Variants in CSMD1 observed in about 807,000 individuals in gnomAD.
The protein encoded by CSMD1 is CUB and Sushi multiple domains 1.
CSMD1 carries 213 observed loss-of-function variants against 417.5 expected under a neutral mutation model. The ratio of observed to expected loss-of-function variants is 0.51; its 90% CI spans 0.46 to 0.57. The LOEUF is 0.57. Among genes scored for constraint, CSMD1 ranks in the 20% least tolerant of loss-of-function variants. The pLI is 0.00. For synonymous variants in CSMD1, 2,862 were observed against 1,736.8 expected (o/e 1.65, Z -16.11); for missense variants, 6,923 against 4,529.7 (o/e 1.53, Z -15.17).
intron 51 of CSMD1, among the ~76,000 whole-genome samples, chr8:3,027,404 G>T (rs1472214538): frequency 1.3e-5 from 2 of 152,136 alleles, no homozygotes; most frequent in Non-Finnish European, 2.9e-5. Context: ...AGAAAACAAG[G>T]ACCATTTCAG....
chr8:2,958,909 G>C (rs1460679207), intron 62 of CSMD1, among the ~76,000 whole-genome samples: 1 of 152,158 alleles, frequency 6.6e-6, no homozygotes, highest in Non-Finnish European at 1.5e-5. Flanking sequence ...AAAATGCAAG[G>C]AAATAGTTGG....
At chr8:4,541,230 C>G (rs958756816) in intron 2 of CSMD1, among the ~76,000 whole-genome samples, 1 of 152,168 alleles carries the variant, frequency 6.6e-6, no homozygotes, top group Non-Finnish European at 1.5e-5. Flanking sequence ...TTGCCAGTAA[C>G]TACTGTGTGA....
chr8:3,617,592 T>C (rs372595790), intron 7 of CSMD1, among the ~76,000 whole-genome samples: 15 of 152,330 alleles, frequency 9.8e-5, no homozygotes, highest in South Asian at 6.2e-4. Context: ...ATAAAGTGCA[T>C]ATCTATTTTA....
At chr8:3,589,266 C>A (rs1042871666) in intron 8 of CSMD1, among the ~76,000 whole-genome samples, 1 of 151,952 alleles carries the variant, frequency 6.6e-6, no homozygotes, top group Non-Finnish European at 1.5e-5. Flanking sequence ...GAAATCAATA[C>A]GTTGAAGAGA....
At chr8:4,092,590 T>C (rs1442421120) in intron 3 of CSMD1, among the ~76,000 whole-genome samples, 3 of 152,188 alleles carry the variant, frequency 2.0e-5, no homozygotes, top group Non-Finnish European at 4.4e-5. Context: ...TACCAATAAT[T>C]AGCATATCAT....
intron 10 of CSMD1, among the ~76,000 whole-genome samples, chr8:3,543,388 G>A (rs898835843): frequency 2.0e-5 from 3 of 152,258 alleles, no homozygotes; most frequent in East Asian, 1.9e-4. Flanking sequence ...ATAATCACTC[G>A]TTTCTGTGTT....
At chr8:4,798,410 A>C (rs1320382830) in intron 1 of CSMD1, among the ~76,000 whole-genome samples, 5 of 152,168 alleles carry the variant, frequency 3.3e-5, no homozygotes, top group Non-Finnish European at 7.3e-5. Flanking sequence ...AAAATATTCT[A>C]ATTTTTAAGG....
At chr8:4,743,658 G>T (rs926477439) in intron 1 of CSMD1, among the ~76,000 whole-genome samples, 3 of 152,126 alleles carry the variant, frequency 2.0e-5, no homozygotes, top group African/African-American at 4.8e-5. Flanking sequence ...TTAATCATTT[G>T]TGAGTTTAGT....
chr8:4,465,862 G>A (rs1032571272), intron 2 of CSMD1, among the ~76,000 whole-genome samples: 1 of 152,116 alleles, frequency 6.6e-6, no homozygotes, highest in Non-Finnish European at 1.5e-5. Context: ...CCTCTTCACA[G>A]GTGATTGTAT....
chr8:3,648,487 G>C (rs1443809874), intron 7 of CSMD1, among the ~76,000 whole-genome samples: 2 of 152,178 alleles, frequency 1.3e-5, no homozygotes, highest in Non-Finnish European at 2.9e-5. Context: ...TAACACAGTG[G>C]AGTGACTGCT....
chr8:3,654,760 C>T (rs927504367), intron 7 of CSMD1, among the ~76,000 whole-genome samples: 22 of 152,252 alleles, frequency 1.4e-4, no homozygotes, highest in African/African-American at 5.1e-4. Flanking sequence ...TTGAGCTGAA[C>T]GGGGTAGGAC....
intron 3 of CSMD1, among the ~76,000 whole-genome samples, chr8:4,310,599 A>C (rs1250110142): frequency 6.6e-6 from 1 of 152,322 alleles, no homozygotes; most frequent in African/African-American, 2.4e-5. Context: ...GCTCTCGATG[A>C]TGTTAAATCA....
At chr8:3,405,329 T>C (rs1390197307) in intron 15 of CSMD1, among the ~76,000 whole-genome samples, 5 of 152,128 alleles carry the variant, frequency 3.3e-5, no homozygotes, top group African/African-American at 1.2e-4. Context: ...TTAAAATGAG[T>C]AATTATTAGA....
At chr8:3,694,587 T>G (rs1488671645) in intron 7 of CSMD1, among the ~76,000 whole-genome samples, 1 of 151,744 alleles carries the variant, frequency 6.6e-6, no homozygotes, top group African/African-American at 2.4e-5. Context: ...CTCCCCACCC[T>G]GCAAAACTCA....
At chr8:3,187,828 G>C (rs527304925) in intron 36 of CSMD1, 41 bp downstream of exon 36, 17 of 1,474,650 alleles carry the variant, frequency 1.2e-5, no homozygotes, top group Non-Finnish European at 1.6e-5. Flanking sequence ...GGTGTTTGCA[G>C]ATTTTGAGTC....
At chr8:4,131,158 C>T (rs1164519446) in intron 3 of CSMD1, among the ~76,000 whole-genome samples, 2 of 152,058 alleles carry the variant, frequency 1.3e-5, no homozygotes, top group Non-Finnish European at 2.9e-5. Flanking sequence ...AGATTTTAGA[C>T]AAAAGACTGA....
intron 5 of CSMD1, among the ~76,000 whole-genome samples, chr8:3,800,922 C>G (rs962750754): frequency 6.6e-6 from 1 of 152,080 alleles, no homozygotes; most frequent in Non-Finnish European, 1.5e-5. Flanking sequence ...AAACCTCTTT[C>G]TTTATAATTT....
At chr8:3,411,040 G>A (rs148789291) in intron 12 of CSMD1, among the ~76,000 whole-genome samples, 67 of 152,300 alleles carry the variant, frequency 4.4e-4, no homozygotes, top group African/African-American at 1.4e-3. Context: ...ATGGGCAGAG[G>A]TGGTTTGGAG....
chr8:4,651,248 G>C (rs1186908134), intron 1 of CSMD1, among the ~76,000 whole-genome samples: 3 of 152,248 alleles, frequency 2.0e-5, no homozygotes, highest in Non-Finnish European at 1.5e-5. Context: ...CAAGAGGACA[G>C]TTTTATAAAT....
Sources: gnomAD v4.1 joint callset for allele counts (sites outside exome capture counted in the v4.1 genomes callset) on GRCh38, gnomAD v4.1.1 for gene constraint, MANE v1.5 for transcripts, NCBI Gene and HGNC (gene_info 2026-07-23, HGNC 2026-07-21) for gene names.